INPP1: variants seen among roughly 807,000 people sequenced by gnomAD.
The protein encoded by INPP1 is inositol polyphosphate 1-phosphatase.
A neutral mutation model predicts 23.0 loss-of-function variants in INPP1; 18 were observed. The observed-to-expected ratio is 0.78, with a 90% CI of 0.54 to 1.16. INPP1 has a LOEUF of 1.16. Ranked by LOEUF, INPP1 falls within the 50% of genes most tolerant of loss-of-function variation. INPP1 has a pLI of 0.00. For synonymous variants in INPP1, 164 were observed against 176.3 expected (o/e 0.93, Z 0.55); for missense variants, 448 against 482.1 (o/e 0.93, Z 0.66).
At chr2:190,365,553 C>G (rs1334511917) in intron 4 of INPP1, among the ~76,000 whole-genome samples, 1 of 152,180 alleles carries the variant, frequency 6.6e-6, no homozygotes, top group Non-Finnish European at 1.5e-5. Flanking sequence ...TATCCCTTAA[C>G]TGGGATACAA....
At position 190,348,898 on chromosome 2, in the gene INPP1, C is replaced by G. The variant is rs986307716; in HGVS notation, c.-198C>G. The stretch of plus-strand genomic sequence containing the variant: ...AATGGGGAAAACAAGTCCTTCAGAG[C>G]TTACATCATGTGGCCGAGTTTATAT... On this transcript the variant is annotated 5_prime_UTR_variant, in exon 2 of 7. Transcript: ENST00000392329. 1.3e-5 allele frequency: 2 copies of G among 152,162 alleles called. No individual in the cohort carries two copies. The highest frequency in any genetic ancestry group is 4.8e-5 in the African/African-American group (2 of 41,416). The allele number at this position is 152,162 out of a possible 1,614,324, so 9.4% of individuals were successfully genotyped here. A position where few individuals can be genotyped will look rare whatever the true frequency, so the allele number is the denominator to read the frequency against.
In INPP1 at chr2:190,350,740, G is replaced by T. The variant is rs184005291; in HGVS notation, c.-65+1709G>T. ...GGGAGGAAAGAGAGAGAAATGTTAG[G>T]GTTAAATAAAAGATTCACATATACC... On this transcript the variant is annotated intron_variant, in intron 2 of 6. Coordinates refer to ENST00000392329, the MANE Select transcript of INPP1 (RefSeq NM_001128928.2). 3.3e-5 allele frequency among the ~76,000 whole-genome samples: 5 copies of T among 152,164 alleles called. No homozygotes were observed. The East Asian group carries it at 9.7e-4, about 29-fold the overall frequency.
chr2:190,362,767 A>C, intron 4 of INPP1, 80 bp downstream of exon 4: 1 of 861,800 alleles, frequency 1.2e-6, no homozygotes. Flanking sequence ...CCATGAACTA[A>C]ATGTTTGGAA....
At chr2:190,360,803 T>G (rs549314849) in intron 3 of INPP1, among the ~76,000 whole-genome samples, 4 of 152,168 alleles carry the variant, frequency 2.6e-5, no homozygotes, top group African/African-American at 9.6e-5. Context: ...TAACTTGATA[T>G]GTTAAGTCCT....
chr2:190,362,202 C>T (rs962059727), intron 3 of INPP1, among the ~76,000 whole-genome samples: 8 of 152,280 alleles, frequency 5.3e-5, no homozygotes, highest in African/African-American at 1.9e-4. Context: ...TTCCTTCTAT[C>T]CAGTCTCAAG....
At chr2:190,370,493 T>A (rs1054212878) in intron 6 of INPP1, among the ~76,000 whole-genome samples, 1 of 152,196 alleles carries the variant, frequency 6.6e-6, no homozygotes, top group Non-Finnish European at 1.5e-5. Flanking sequence ...AGATATCACT[T>A]TTCTATTCCT....
At chr2:190,362,530 G>T in intron 3 of INPP1, 97 bp from the exon 4 acceptor site, 2 of 646,944 alleles carry the variant, frequency 3.1e-6, no homozygotes, top group South Asian at 2.9e-5. Context: ...AGTTCTGATT[G>T]TGCTATTTAA....
chr2:190,369,100 C>A lies in INPP1; in HGVS notation c.467-3C>A. 6.5e-7 allele frequency: 1 copy of A among 1,541,572 alleles called. No individual in the cohort carries two copies. Among genetic ancestry groups the A allele is most frequent in the Non-Finnish European group, 8.8e-7 (1 of 1,133,506 alleles). ...ATCCAAACACATTTGTTTCCTTTTTCAGATTCAACTTATCAGTATATAAAA... is the reference window on the plus strand; with the variant it reads ...ATCCAAACACATTTGTTTCCTTTTTAAGATTCAACTTATCAGTATATAAAA... On this transcript the variant is annotated splice_polypyrimidine_tract_variant and splice_region_variant and intron_variant, in intron 5 of 6. Transcript: ENST00000392329.
rs1315385504 is a variant in INPP1, at chr2:190,363,062, A to T, written c.265+375A>T. 6.2e-6 allele frequency: 1 copy of T among 162,216 alleles called. No individual in the cohort carries two copies. Among genetic ancestry groups the T allele is most frequent in the Non-Finnish European group, 1.3e-5 (1 of 75,078 alleles). 10.0% of individuals were successfully genotyped at this position (162,216 alleles called of 1,614,324 possible). A position where few individuals can be genotyped will look rare whatever the true frequency, so the allele number is the denominator to read the frequency against. On this transcript the variant is annotated intron_variant, in intron 4 of 6. Coordinates refer to ENST00000392329, the MANE Select transcript of INPP1 (RefSeq NM_001128928.2). This position sits in a 1 kb window ranked among gnomAD's most constrained non-coding sequence, Gnocchi z 4.4. ...AATTTCAGATCCTAGGTTTAAACCC[A>T]TCTGTGCGCTCTTGGGGGAAGTCCA...
At chr2:190,359,765 G>A in intron 2 of INPP1, 1 of 290,894 alleles carries the variant, frequency 3.4e-6, no homozygotes, top group Non-Finnish European at 6.7e-6. Flanking sequence ...TCTCTCTAGG[G>A]ATTTAGATTT....
intron 4 of INPP1, among the ~76,000 whole-genome samples, chr2:190,366,098 C>T (rs56365966): frequency 2.2e-5 from 3 of 135,880 alleles, no homozygotes; most frequent in East Asian, 2.3e-4. Context: ...TCAGTCTCTC[C>T]CTGAATCTCT....
chr2:190,360,882 C>G (rs903844986), intron 3 of INPP1, among the ~76,000 whole-genome samples: 3 of 151,832 alleles, frequency 2.0e-5, no homozygotes, highest in Admixed American at 1.3e-4. Flanking sequence ...GACTTAAAGT[C>G]TCCTTTATTC....
At chr2:190,362,504 G>T in intron 3 of INPP1, 123 bp from the exon 4 acceptor site, 1 of 560,228 alleles carries the variant, frequency 1.8e-6, no homozygotes, top group Non-Finnish European at 3.1e-6. Context: ...TCTAGAATTG[G>T]AAATTTTGGA....
At position 190,369,248 on chromosome 2, in the gene INPP1, T is replaced by C. The variant is rs776497864; in HGVS notation, c.612T>C (p.Pro204=). Residue 204 remains proline (P), a synonymous_variant, in exon 6 of 7, where the codon CCT becomes CCC. Transcript: ENST00000392329. ...CCCTGATGGGAGTCATCAATCAACC[T>C]TTTGTGTCACGAGATCCAAACACCC... ...GVPLMGVINQ[P]FVSRDPNTLR... 8 of 1,592,996 alleles carry C rather than the reference T, an allele frequency of 5.0e-6. No individual in the cohort carries two copies. The East Asian group carries it at 1.1e-4, about 23-fold the overall frequency.
Position 190,371,455 on chromosome 2 carries a change from G to A in INPP1, c.*53G>A, listed in dbSNP as rs2124949587. Reference sequence around the variant, plus strand: ...TAAACTGAACTGTGAAACTGTTTCGGTTATCTCTGTCTTTTGAGGATGGCT... The same window carrying A: ...TAAACTGAACTGTGAAACTGTTTCGATTATCTCTGTCTTTTGAGGATGGCT... On this transcript the variant is annotated 3_prime_UTR_variant, in exon 7 of 7. Coordinates refer to ENST00000392329, the MANE Select transcript of INPP1 (RefSeq NM_001128928.2). This position sits in a 1 kb window ranked among gnomAD's most constrained non-coding sequence, Gnocchi z 5.3. 1 of 1,368,810 alleles carries A rather than the reference G, an allele frequency of 7.3e-7. No individual in the cohort carries two copies. Among genetic ancestry groups the A allele is most frequent in the Non-Finnish European group, 9.8e-7 (1 of 1,022,642 alleles). The allele number at this position is 1,368,810 out of a possible 1,614,324, so 84.8% of individuals were successfully genotyped here.
rs775483833 is a variant in INPP1 at position 190,371,357 on chromosome 2, GA to G, written c.1156del (p.Ser386AlafsTer38). ...RSRKRLETFL[S>X]LLVQNLAPAE... ...CCAGGAAGCGGCTGGAGACATTCCT[GA>G]GCCTCCTGGTCCAAAACCTGGCACC... On this transcript the variant is annotated frameshift_variant, in exon 7 of 7. Transcript: ENST00000392329. LOFTEE classifies it low-confidence loss of function (END_TRUNC). The surrounding 1 kb of genome is among the most constrained non-coding windows in gnomAD (Gnocchi z 5.3). The G allele has an allele frequency of 6.5e-7, 1 of 1,543,674 alleles. No individual in the cohort carries two copies. Among genetic ancestry groups the G allele is most frequent in the East Asian group, 2.3e-5 (1 of 44,296 alleles).
chr2:190,364,343 T>C (rs1689594857), intron 4 of INPP1, among the ~76,000 whole-genome samples: 1 of 151,896 alleles, frequency 6.6e-6, no homozygotes, highest in African/African-American at 2.4e-5. Flanking sequence ...ATTGAGTCCA[T>C]CCTGGCTAAC....
chr2:190,371,522 A>AAG lies in INPP1; in HGVS notation c.*120_*121insAG. ...TAACATTCACCTTCCTCTTTTGAGG[A>AAG]GTATTTTTCCATTATGTATTCATAA... On this transcript the variant is annotated 3_prime_UTR_variant, in exon 7 of 7. Coordinates refer to ENST00000392329, the MANE Select transcript of INPP1 (RefSeq NM_001128928.2). This position sits in a 1 kb window ranked among gnomAD's most constrained non-coding sequence, Gnocchi z 5.3. 7 of 636,424 alleles carry AAG rather than the reference A, an allele frequency of 1.1e-5. No homozygotes were observed. The highest frequency in any genetic ancestry group is 3.5e-5 in the South Asian group (1 of 28,820). The allele number at this position is 636,424 out of a possible 1,614,324, so 39.4% of individuals were successfully genotyped here.
chr2:190,360,026 T>G lies in INPP1; in HGVS notation c.-64-13T>G, dbSNP rs2067402. The G allele has an allele frequency of 0.24, 348,591 of 1,429,958 alleles. 45,053 individuals are homozygous for G. Among genetic ancestry groups the G allele is most frequent in the East Asian group, 0.5 (21,539 of 43,246 alleles). The allele number at this position is 1,429,958 out of a possible 1,614,324, so 88.6% of individuals were successfully genotyped here. A position where few individuals can be genotyped will look rare whatever the true frequency, so the allele number is the denominator to read the frequency against. Reference sequence around the variant, plus strand: ...TGAACTGCTTTCTCTTTCACATTCTTGTATTTTTCCAGCTGACGGCCCAGA... The same window carrying G: ...TGAACTGCTTTCTCTTTCACATTCTGGTATTTTTCCAGCTGACGGCCCAGA... On this transcript the variant is annotated splice_polypyrimidine_tract_variant and intron_variant, in intron 2 of 6. Transcript: ENST00000392329.
Sources: allele counts gnomAD v4.1 joint callset (sites outside exome capture counted in the v4.1 genomes callset), GRCh38; gene constraint gnomAD v4.1.1; non-coding constraint Gnocchi (gnomAD v3.1); transcripts MANE v1.5; gene names NCBI Gene and HGNC (gene_info 2026-07-23, HGNC 2026-07-21).